Variants in AP3B1 observed in about 807,000 individuals in gnomAD.
The protein encoded by AP3B1 is adaptor related protein complex 3 subunit beta 1.
In AP3B1, 61 loss-of-function variants were observed where a neutral mutation model predicts 132.5. That is an observed-to-expected ratio of 0.46 (90% confidence interval 0.37 to 0.57). The LOEUF (loss-of-function observed/expected upper bound fraction) is 0.57. Ranked by LOEUF, AP3B1 falls within the 20% of genes least tolerant of loss-of-function variation. The probability of loss-of-function intolerance (pLI) is 0.00; values close to 1 mark genes in which losing one functional copy is unlikely to be tolerated. For synonymous variants in AP3B1, 388 were observed against 438.3 expected (o/e 0.89, Z 1.43); for missense variants, 1,120 against 1,289.4 (o/e 0.87, Z 2.01).
intron 26 of AP3B1, 96 bp downstream of exon 26, chr5:78,015,314 G>A: frequency 1.6e-6 from 2 of 1,252,374 alleles, no homozygotes; most frequent in Non-Finnish European, 2.3e-6. Context: ...ATATGTTTAG[G>A]GGTTATTATT....
intron 2 of AP3B1, among the ~76,000 whole-genome samples, chr5:78,249,776 G>A (rs2112534039): frequency 6.6e-6 from 1 of 151,648 alleles, no homozygotes; most frequent in East Asian, 1.9e-4. Context: ...GTAGAGACAG[G>A]GTCTCACTTT....
At chr5:78,278,915 T>C (rs1022685004) in intron 1 of AP3B1, among the ~76,000 whole-genome samples, 3 of 152,086 alleles carry the variant, frequency 2.0e-5, no homozygotes, top group Non-Finnish European at 4.4e-5. Flanking sequence ...TGAGGTGGAA[T>C]AGTCTCATCC....
At chr5:78,169,733 G>GTTTATTTATTTA (rs1554072569) in intron 11 of AP3B1, among the ~76,000 whole-genome samples, 40 of 151,268 alleles carry the variant, frequency 2.6e-4, no homozygotes, top group African/African-American at 9.2e-4. Context: ...AAGCCCTGAA[G>GTTTATTTATTTA]TTTATTTATT....
chr5:78,249,579 CTTTTTTTTTT>C (rs71301504), intron 2 of AP3B1, among the ~76,000 whole-genome samples: 1 of 105,074 alleles, frequency 9.5e-6, no homozygotes, highest in Non-Finnish European at 1.9e-5. Context: ...TTTTCTTTTT[CTTTTTTTTTT>C]TTTTTTTTTT....
chr5:78,204,222 G>T (rs1745413511), intron 7 of AP3B1, among the ~76,000 whole-genome samples: 1 of 152,044 alleles, frequency 6.6e-6, no homozygotes, highest in South Asian at 2.1e-4. Context: ...TCCTCCCCAG[G>T]GATTATTGTT....
At chr5:78,029,696 C>T (rs1416580874) in intron 24 of AP3B1, among the ~76,000 whole-genome samples, 1 of 152,138 alleles carries the variant, frequency 6.6e-6, no homozygotes, top group African/African-American at 2.4e-5. Flanking sequence ...GAGACAAGTT[C>T]TCGCTATGCT....
At chr5:78,109,823 T>C (rs1461915704) in intron 20 of AP3B1, among the ~76,000 whole-genome samples, 2 of 152,182 alleles carry the variant, frequency 1.3e-5, no homozygotes, top group African/African-American at 2.4e-5. Context: ...TACTCTTTAA[T>C]TGAAGCCTTA....
intron 1 of AP3B1, 33 bp from the exon 2 acceptor site, chr5:78,267,628 T>C: frequency 7.5e-7 from 1 of 1,336,072 alleles, no homozygotes; most frequent in South Asian, 1.2e-5. Context: ...AAATCCATAC[T>C]TTGATTTTTA....
chr5:78,035,095 A>G (rs1324845196), intron 23 of AP3B1, among the ~76,000 whole-genome samples: 1 of 151,962 alleles, frequency 6.6e-6, no homozygotes, highest in Non-Finnish European at 1.5e-5. Flanking sequence ...GAATTTCAGA[A>G]GCTTCATCTA....
intron 1 of AP3B1, among the ~76,000 whole-genome samples, chr5:78,290,527 G>A (rs1210633794): frequency 7.9e-5 from 12 of 151,914 alleles, no homozygotes; most frequent in Admixed American, 7.9e-4. Context: ...GTTTAATCCA[G>A]TAACAGAATT....
chr5:78,145,788 AT>A (rs1257824745), intron 14 of AP3B1, among the ~76,000 whole-genome samples: 5 of 152,138 alleles, frequency 3.3e-5, no homozygotes, highest in Admixed American at 6.5e-5. Context: ...ATAGTGGGAC[AT>A]TTTCCCACTT....
At chr5:78,012,175 C>G (rs948635457) in intron 26 of AP3B1, among the ~76,000 whole-genome samples, 4 of 151,626 alleles carry the variant, frequency 2.6e-5, no homozygotes, top group African/African-American at 9.7e-5. Context: ...AATATATAAA[C>G]TTAGATATAG....
chr5:78,219,009 A>G (rs868207020), intron 6 of AP3B1, among the ~76,000 whole-genome samples: 1 of 152,278 alleles, frequency 6.6e-6, no homozygotes, highest in South Asian at 2.1e-4. Flanking sequence ...TTTTTTGCAC[A>G]TAACGGTGGG....
intron 17 of AP3B1, chr5:78,121,844 A>G (rs1329010879): frequency 6.6e-6 from 1 of 152,330 alleles, no homozygotes; most frequent in Non-Finnish European, 1.5e-5. Context: ...AACTCATTTT[A>G]GGAGGCCAGC....
chr5:78,291,814 G>T (rs982074997), intron 1 of AP3B1, among the ~76,000 whole-genome samples: 5 of 152,084 alleles, frequency 3.3e-5, no homozygotes, highest in African/African-American at 4.8e-5. Flanking sequence ...CACTTTATTG[G>T]AACAAAGGAT....
rs571241747 is a variant in AP3B1 at position 78,171,119 on chromosome 5, C to T, written c.1167+4507G>A. Among the ~76,000 whole-genome samples, 3 of 152,272 alleles carry T rather than the reference C, an allele frequency of 2.0e-5. No homozygotes were observed. The South Asian group carries it at 6.2e-4, about 32-fold the overall frequency. On this transcript the variant is annotated intron_variant, in intron 11 of 26. Coordinates refer to ENST00000255194, the MANE Select transcript of AP3B1 (RefSeq NM_003664.5). ...TATCTGTTTTGGTACCAGTACCATG[C>T]TGTTTTGGTTACTGTAGCCTCGTAG...
intron 20 of AP3B1, among the ~76,000 whole-genome samples, chr5:78,102,441 T>C (rs1751172060): frequency 6.6e-6 from 1 of 152,134 alleles, no homozygotes. Context: ...ATCTAGTTGT[T>C]TTAATTTTCA....
At chr5:78,154,738 T>A in intron 14 of AP3B1, among the ~76,000 whole-genome samples, 1 of 152,216 alleles carries the variant, frequency 6.6e-6, no homozygotes, top group East Asian at 1.9e-4. Flanking sequence ...ACTAAGAGAC[T>A]CTGATGCAAT....
At chr5:78,193,744 T>TATATATATATA (rs1262089756) in intron 7 of AP3B1, among the ~76,000 whole-genome samples, 4 of 110,388 alleles carry the variant, frequency 3.6e-5, no homozygotes, top group African/African-American at 9.5e-5. Flanking sequence ...ATATATTTTT[T>TATATATATATA]TATATATATA....
Sources: gnomAD v4.1 joint callset for allele counts (sites outside exome capture counted in the v4.1 genomes callset) on GRCh38, gnomAD v4.1.1 for gene constraint, MANE v1.5 for transcripts, NCBI Gene and HGNC (gene_info 2026-07-23, HGNC 2026-07-21) for gene names.